Variants in GRID2 observed in about 807,000 individuals in gnomAD.
GRID2 encodes the protein glutamate receptor ionotropic, delta-2.
GRID2 carries 33 observed loss-of-function variants against 114.8 expected under a neutral mutation model. The observed-to-expected ratio is 0.29, with a 90% CI of 0.22 to 0.38. The LOEUF (loss-of-function observed/expected upper bound fraction) is 0.38. GRID2 is among the 10% of genes least tolerant of loss of function. The pLI is 1.00. For synonymous variants in GRID2, 505 were observed against 449.9 expected (o/e 1.12, Z -1.55); for missense variants, 1,184 against 1,257.7 (o/e 0.94, Z 0.89).
At chr4:93,585,310 C>T (rs1485845142) in intron 13 of GRID2, among the ~76,000 whole-genome samples, 10 of 152,072 alleles carry the variant, frequency 6.6e-5, no homozygotes, top group African/African-American at 2.4e-4. Flanking sequence ...TGTGAGTGAT[C>T]TGGGCACAAT....
intron 13 of GRID2, among the ~76,000 whole-genome samples, chr4:93,526,740 CGGA>C (rs1184660353): frequency 6.6e-6 from 1 of 152,100 alleles, no homozygotes; most frequent in Admixed American, 6.5e-5. Flanking sequence ...ACCTGGGAGG[CGGA>C]GGTTGCAGTG....
intron 8 of GRID2, among the ~76,000 whole-genome samples, chr4:93,320,389 A>G (rs1167131700): frequency 1.3e-5 from 2 of 152,172 alleles, no homozygotes; most frequent in African/African-American, 4.8e-5. Flanking sequence ...GTGATTCTCA[A>G]CACTTTGAGG....
At chr4:92,635,626 T>C (rs1376398381) in intron 2 of GRID2, among the ~76,000 whole-genome samples, 1 of 152,126 alleles carries the variant, frequency 6.6e-6, no homozygotes, top group East Asian at 1.9e-4. Context: ...GAAAATACGT[T>C]GAAAACTTTT....
At chr4:92,372,719 T>C (rs1186531873) in intron 1 of GRID2, among the ~76,000 whole-genome samples, 2 of 152,124 alleles carry the variant, frequency 1.3e-5, no homozygotes, top group African/African-American at 4.8e-5. Flanking sequence ...TCTGTTGTTT[T>C]AAGTCACTTA....
intron 14 of GRID2, among the ~76,000 whole-genome samples, chr4:93,738,076 G>A (rs1418059918): frequency 6.6e-6 from 1 of 152,088 alleles, no homozygotes; most frequent in Non-Finnish European, 1.5e-5. Flanking sequence ...GTCCAGAGCT[G>A]AGACCTGAAG....
At chr4:93,420,329 TC>T (rs1201081329) in intron 9 of GRID2, among the ~76,000 whole-genome samples, 1 of 152,188 alleles carries the variant, frequency 6.6e-6, no homozygotes, top group African/African-American at 2.4e-5. Context: ...ATTCCTTTAA[TC>T]CATTCTGATT....
At chr4:93,279,166 A>G (rs1348365703) in intron 8 of GRID2, among the ~76,000 whole-genome samples, 1 of 151,740 alleles carries the variant, frequency 6.6e-6, no homozygotes, top group African/African-American at 2.4e-5. Flanking sequence ...AATTCCAATA[A>G]ATGTTTAAGT....
intron 2 of GRID2, among the ~76,000 whole-genome samples, chr4:92,655,959 G>T (rs1732210950): frequency 6.6e-6 from 1 of 151,604 alleles, no homozygotes; most frequent in African/African-American, 2.4e-5. Flanking sequence ...TTTGAGGAAA[G>T]GCTTTCAACT....
chr4:92,356,631 G>C (rs1028187529), intron 1 of GRID2, among the ~76,000 whole-genome samples: 2 of 151,608 alleles, frequency 1.3e-5, no homozygotes, highest in African/African-American at 4.8e-5. Flanking sequence ...TATATGTATA[G>C]ATGTTTATGC....
intron 13 of GRID2, among the ~76,000 whole-genome samples, chr4:93,559,072 G>C (rs772551780): frequency 5.9e-5 from 9 of 152,128 alleles, no homozygotes; most frequent in Non-Finnish European, 1.0e-4. Flanking sequence ...ACTAGGTATT[G>C]ATGGAATGCA....
At chr4:92,764,520 T>C (rs1323478739) in intron 2 of GRID2, among the ~76,000 whole-genome samples, 1 of 152,212 alleles carries the variant, frequency 6.6e-6, no homozygotes, top group Non-Finnish European at 1.5e-5. Context: ...ATTGTTTTTG[T>C]AAACTTTGTA....
chr4:93,043,609 G>A (rs1298919631), intron 2 of GRID2, among the ~76,000 whole-genome samples: 1 of 152,090 alleles, frequency 6.6e-6, no homozygotes, highest in Non-Finnish European at 1.5e-5. Flanking sequence ...AAAAGAGCAT[G>A]GTGTGTTTTC....
At chr4:92,994,755 G>A (rs992119306) in intron 2 of GRID2, among the ~76,000 whole-genome samples, 12 of 152,106 alleles carry the variant, frequency 7.9e-5, no homozygotes, top group Admixed American at 6.6e-5. Flanking sequence ...TGTTTTAAAG[G>A]CAAACACCAC....
chr4:93,047,152 T>G (rs1449018356), intron 2 of GRID2, among the ~76,000 whole-genome samples: 1 of 151,918 alleles, frequency 6.6e-6, no homozygotes, highest in Non-Finnish European at 1.5e-5. Context: ...TAACCAGTAC[T>G]CCTCAAAACT....
At chr4:92,823,792 A>T (rs910408449) in intron 2 of GRID2, among the ~76,000 whole-genome samples, 2 of 152,156 alleles carry the variant, frequency 1.3e-5, no homozygotes, top group Admixed American at 1.3e-4. Context: ...CATGGATACA[A>T]AAATGGCCAC....
intron 1 of GRID2, among the ~76,000 whole-genome samples, chr4:92,472,310 T>C (rs796313382): frequency 7.9e-5 from 12 of 152,290 alleles, no homozygotes; most frequent in African/African-American, 2.9e-4. Context: ...GGCTATACTA[T>C]GATTTGTTTA....
chr4:92,550,053 A>G (rs1579565104), intron 1 of GRID2, among the ~76,000 whole-genome samples: 1 of 152,168 alleles, frequency 6.6e-6, no homozygotes, highest in African/African-American at 2.4e-5. Context: ...AGATAATTAA[A>G]TATTTTATGT....
At chr4:92,583,939 A>G (rs1344401998) in intron 1 of GRID2, among the ~76,000 whole-genome samples, 1 of 147,972 alleles carries the variant, frequency 6.8e-6, no homozygotes. Context: ...ATATATATGT[A>G]CAAACATTGC....
intron 2 of GRID2, among the ~76,000 whole-genome samples, chr4:92,967,619 C>G (rs547884366): frequency 1.3e-5 from 2 of 152,046 alleles, no homozygotes; most frequent in African/African-American, 4.8e-5. Flanking sequence ...TCTCCTGAAG[C>G]ATTTCGTGAG....
Sources: gnomAD v4.1 joint callset for allele counts (sites outside exome capture counted in the v4.1 genomes callset) on GRCh38, gnomAD v4.1.1 for gene constraint, MANE v1.5 for transcripts, NCBI Gene and HGNC (gene_info 2026-07-23, HGNC 2026-07-21) for gene names.